CALN1: variants seen among roughly 807,000 people sequenced by gnomAD.
CALN1 encodes the protein calneuron 1, also known as calcium-binding protein 8.
CALN1 carries 17 observed loss-of-function variants against 30.6 expected under a neutral mutation model. The ratio of observed to expected loss-of-function variants is 0.56; its 90% confidence interval spans 0.38 to 0.83. The LOEUF (loss-of-function observed/expected upper bound fraction) is 0.83. Ranked by LOEUF, CALN1 falls within the 40% of genes least tolerant of loss-of-function variation. The probability of loss-of-function intolerance (pLI) is 0.00; values close to 1 mark genes in which losing one functional copy is unlikely to be tolerated. For synonymous variants in CALN1, 156 were observed against 131.4 expected, an observed-to-expected ratio of 1.19 and a Z score of -1.28; for missense variants, 291 against 354.9, an observed-to-expected ratio of 0.82 and a Z score of 1.45.
the CALN1 span, among the ~76,000 whole-genome samples, chr7:72,497,804 G>A: frequency 2.0e-5 from 3 of 152,188 alleles, no homozygotes; most frequent in South Asian, 2.1e-4. Flanking sequence ...AAAATGTGAC[G>A]ACTAATAAAT....
intron 2 of CALN1, among the ~76,000 whole-genome samples, chr7:72,324,947 G>A (rs1345249932): frequency 7.2e-5 from 11 of 152,078 alleles, no homozygotes; most frequent in Non-Finnish European, 1.5e-4. Context: ...CTGGGTTTTT[G>A]GAAGCTCGAC....
chr7:72,432,674 T>A (rs1179319607), intron 1 of CALN1, among the ~76,000 whole-genome samples: 2 of 152,198 alleles, frequency 1.3e-5, no homozygotes, highest in African/African-American at 4.8e-5. Flanking sequence ...TGTAATTGGA[T>A]ACTCATCTTT....
chr7:71,927,703 T>C (rs1042207417), intron 5 of CALN1, among the ~76,000 whole-genome samples: 5 of 152,190 alleles, frequency 3.3e-5, no homozygotes, highest in African/African-American at 9.7e-5. Flanking sequence ...GCTGGTCTAG[T>C]AGTGGTGTAT....
At chr7:72,383,971 A>T (rs1805060126) in intron 2 of CALN1, among the ~76,000 whole-genome samples, 1 of 152,230 alleles carries the variant, frequency 6.6e-6, no homozygotes, top group African/African-American at 2.4e-5. Flanking sequence ...AGGATTATAA[A>T]TCATTCTACT....
chr7:72,282,930 T>C (rs1350924696), intron 2 of CALN1, among the ~76,000 whole-genome samples: 3 of 151,862 alleles, frequency 2.0e-5, no homozygotes, highest in Non-Finnish European at 4.4e-5. Flanking sequence ...GGTGGGTGCC[T>C]GTAATCCCAG....
At chr7:72,290,227 T>C (rs1798387350) in intron 2 of CALN1, among the ~76,000 whole-genome samples, 1 of 151,600 alleles carries the variant, frequency 6.6e-6, no homozygotes, top group Non-Finnish European at 1.5e-5. Flanking sequence ...TGTCACTGGC[T>C]GTTTCCTTGC....
chr7:72,229,482 C>T (rs1218819986), intron 3 of CALN1, among the ~76,000 whole-genome samples: 2 of 151,892 alleles, frequency 1.3e-5, no homozygotes, highest in South Asian at 2.1e-4. Flanking sequence ...CACATGCACA[C>T]GTATGTTTAC....
chr7:71,925,852 G>T, intron 5 of CALN1, among the ~76,000 whole-genome samples: 1 of 151,774 alleles, frequency 6.6e-6, no homozygotes, highest in Middle Eastern at 3.2e-3. Flanking sequence ...AGGGGTCAGT[G>T]GTGCAGTTTG....
chr7:72,501,948 T>TATATACACAC, the CALN1 span, among the ~76,000 whole-genome samples: 1 of 72,366 alleles, frequency 1.4e-5, no homozygotes, highest in African/African-American at 7.3e-5. Context: ...TATATATATA[T>TATATACACAC]ACACACATAT....
intron 2 of CALN1, among the ~76,000 whole-genome samples, chr7:72,297,082 C>G (rs893357537): frequency 8.5e-5 from 13 of 152,112 alleles, no homozygotes; most frequent in Non-Finnish European, 1.6e-4. Context: ...AAATTTCCCT[C>G]TACACACTGC....
intron 4 of CALN1, among the ~76,000 whole-genome samples, chr7:72,056,359 G>A (rs1803255603): frequency 6.6e-6 from 1 of 151,798 alleles, no homozygotes; most frequent in African/African-American, 2.4e-5. Flanking sequence ...AGGTTAAGTA[G>A]GAGATAAACA....
At chr7:71,888,490 A>C (rs1793051577) in intron 5 of CALN1, among the ~76,000 whole-genome samples, 1 of 152,132 alleles carries the variant, frequency 6.6e-6, no homozygotes, top group East Asian at 1.9e-4. Flanking sequence ...AAAAAAACAA[A>C]AAAACAAAAC....
intron 5 of CALN1, among the ~76,000 whole-genome samples, chr7:71,998,618 G>A (rs1413534532): frequency 2.0e-5 from 3 of 149,740 alleles, no homozygotes; most frequent in African/African-American, 7.4e-5. Flanking sequence ...TCCCCAGGCT[G>A]GAGTGCAGTG....
intron 3 of CALN1, among the ~76,000 whole-genome samples, chr7:72,136,178 G>C (rs563457747): frequency 7.7e-5 from 6 of 77,546 alleles, no homozygotes; most frequent in East Asian, 9.9e-4. Context: ...TAAAGGGCTG[G>C]TTTTTTCTGC....
chr7:71,780,846 T>A lies in CALN1; in HGVS notation c.*6929A>T, dbSNP rs943386595. On this transcript the variant is annotated 3_prime_UTR_variant, in exon 7 of 7. Coordinates refer to ENST00000395275, the MANE Select transcript of CALN1 (RefSeq NM_031468.4). The stretch of plus-strand genomic sequence containing the variant: ...ACTTTCTCCTGAATTCTGATTCACA[T>A]GACCTTTGGGGAGGTGACTGACTCC... 1.3e-5 allele frequency: 2 copies of A among 152,212 alleles called. No individual in the cohort carries two copies. The highest frequency in any genetic ancestry group is 1.3e-4 in the Admixed American group (2 of 15,290). 9.4% of individuals were successfully genotyped at this position (152,212 alleles called of 1,614,324 possible). A position where few individuals can be genotyped will look rare whatever the true frequency, so the allele number is the denominator to read the frequency against.
chr7:72,457,757 CTTTT>C, the CALN1 span, among the ~76,000 whole-genome samples: 3 of 135,702 alleles, frequency 2.2e-5, no homozygotes, highest in Non-Finnish European at 3.1e-5. Flanking sequence ...CCTTCTTATT[CTTTT>C]TTTTTTTTTT....
intron 3 of CALN1, among the ~76,000 whole-genome samples, chr7:72,270,849 A>G (rs1011982098): frequency 6.6e-6 from 1 of 152,216 alleles, no homozygotes; most frequent in Non-Finnish European, 1.5e-5. Context: ...CATCCCTCCA[A>G]TGGTATCGAA....
chr7:72,264,901 T>A (rs990196129), intron 3 of CALN1, among the ~76,000 whole-genome samples: 3 of 152,202 alleles, frequency 2.0e-5, no homozygotes, highest in African/African-American at 7.2e-5. Flanking sequence ...TGTGTTCTCA[T>A]CATTTAGCTC....
chr7:72,087,731 T>C (rs1244651006), intron 4 of CALN1, among the ~76,000 whole-genome samples: 1 of 152,096 alleles, frequency 6.6e-6, no homozygotes, highest in Non-Finnish European at 1.5e-5. Context: ...AGAACAGCTA[T>C]GAGGGGTATT....
Sources: allele counts gnomAD v4.1 joint callset (sites outside exome capture counted in the v4.1 genomes callset), GRCh38; gene constraint gnomAD v4.1.1; transcripts MANE v1.5; gene names NCBI Gene and HGNC (gene_info 2026-07-23, HGNC 2026-07-21).